The following NIPAL2 variants were observed in gnomAD, a reference collection of about 807,000 sequenced individuals.
The protein encoded by NIPAL2 is NIPA like domain containing 2.
Under a neutral mutation model 48.9 loss-of-function variants are expected in NIPAL2, and 43 were observed. That is an observed-to-expected ratio of 0.88 (90% confidence interval 0.69 to 1.13). The LOEUF (loss-of-function observed/expected upper bound fraction) is 1.13, where lower values mean the gene tolerates loss of function less well. NIPAL2 is among the 50% of genes most tolerant of loss of function. The pLI, the probability that NIPAL2 is intolerant of heterozygous loss-of-function variation, is 0.00. For missense variants in NIPAL2, 446 were observed against 461.4 expected (o/e 0.97, Z 0.31); for synonymous variants, 167 against 174.6 (o/e 0.96, Z 0.34).
chr8:98,288,860 GT>G (rs1454349701), intron 1 of NIPAL2, among the ~76,000 whole-genome samples: 5 of 152,078 alleles, frequency 3.3e-5, no homozygotes, highest in Admixed American at 3.3e-4. Flanking sequence ...TAGAAATTGG[GT>G]CCCCACACAA....
chr8:98,268,546 G>T lies in NIPAL2; in HGVS notation c.136-14459C>A, dbSNP rs536420508. Among the ~76,000 whole-genome samples the T allele has an allele frequency of 1.1e-3, 162 of 151,378 alleles. 2 individuals carry two copies. The highest frequency in any genetic ancestry group is 1.8e-3 in the Admixed American group (27 of 15,192). The stretch of plus-strand genomic sequence containing the variant: ...TGAGGCAGGAGAATTGCTTGAACCC[G>T]AGAGGTGGAGGTTGCAGTGAGCCAA... On this transcript the variant is annotated intron_variant, in intron 1 of 10. Transcript: ENST00000430223.
chr8:98,271,783 C>T (rs1815144722), intron 1 of NIPAL2, among the ~76,000 whole-genome samples: 1 of 151,916 alleles, frequency 6.6e-6, no homozygotes, highest in African/African-American at 2.4e-5. Context: ...AAGGGGAATG[C>T]TTCCAGTTTT....
intron 1 of NIPAL2, among the ~76,000 whole-genome samples, chr8:98,282,029 C>A (rs1415908870): frequency 6.6e-6 from 1 of 152,180 alleles, no homozygotes; most frequent in African/African-American, 2.4e-5. Context: ...CCTCTTTCTG[C>A]CAGGCAAGGT....
At chr8:98,238,876 T>C (rs1448064911) in intron 3 of NIPAL2, among the ~76,000 whole-genome samples, 1 of 152,212 alleles carries the variant, frequency 6.6e-6, no homozygotes, top group Non-Finnish European at 1.5e-5. Context: ...AAATTTTCTA[T>C]TTCAGATTTG....
intron 8 of NIPAL2, among the ~76,000 whole-genome samples, chr8:98,196,515 T>C (rs762032401): frequency 1.1e-4 from 16 of 152,242 alleles, no homozygotes; most frequent in Non-Finnish European, 1.6e-4. Flanking sequence ...AAGCACACTC[T>C]AGCAGCTGAA....
intron 1 of NIPAL2, among the ~76,000 whole-genome samples, chr8:98,290,810 A>G (rs971116251): frequency 2.0e-5 from 3 of 152,210 alleles, no homozygotes; most frequent in African/African-American, 7.2e-5. Flanking sequence ...TGCAGCGGGG[A>G]GCACAGCTTG....
chr8:98,242,265 G>A (rs1447646482), intron 3 of NIPAL2, among the ~76,000 whole-genome samples: 1 of 150,000 alleles, frequency 6.7e-6, no homozygotes, highest in Non-Finnish European at 1.5e-5. Flanking sequence ...CTGCAGCCTC[G>A]ACCTCCTGAG....
chr8:98,235,914 T>A (rs535863854), intron 4 of NIPAL2, among the ~76,000 whole-genome samples: 2 of 151,660 alleles, frequency 1.3e-5, no homozygotes, highest in African/African-American at 4.8e-5. Flanking sequence ...TTATAATTAT[T>A]AATTAATAAT....
intron 3 of NIPAL2, among the ~76,000 whole-genome samples, chr8:98,239,887 G>A (rs2514328): frequency 0.89 from 134,731 of 152,224 alleles, 59,918 homozygotes; most frequent in Non-Finnish European, 0.9. Flanking sequence ...AGAGTAGTAA[G>A]TTTTTCAAAT....
In NIPAL2 at chr8:98,194,728, C is replaced by A; in HGVS notation, c.1039G>T (p.Gly347Trp). ...QSYIDFGNIPGKQMLDKIQPD... is the reference protein window; with the variant it reads ...QSYIDFGNIPWKQMLDKIQPD... The stretch of plus-strand genomic sequence containing the variant: ...CACTATAAAGAATATATGATTTTAC[C>A]AGGAATATTTCCAAAATCAATATAA... Residue 347 changes from glycine (G) to tryptophan (W), a missense_variant and splice_region_variant, in exon 10 of 11, where the codon GGG becomes TGG. Coordinates refer to ENST00000430223, the MANE Select transcript of NIPAL2 (RefSeq NM_001321635.2). 5 of 1,521,254 alleles carry A rather than the reference C, an allele frequency of 3.3e-6. No individual in the cohort carries two copies. The highest frequency in any genetic ancestry group is 3.5e-6 in the Non-Finnish European group (4 of 1,129,382). The allele number at this position is 1,521,254 out of a possible 1,614,324, so 94.2% of individuals were successfully genotyped here.
At chr8:98,229,439 C>G (rs1252596100) in intron 4 of NIPAL2, among the ~76,000 whole-genome samples, 2 of 152,212 alleles carry the variant, frequency 1.3e-5, no homozygotes, top group African/African-American at 4.8e-5. Context: ...GTGATGCAAT[C>G]ATAGCTCACT....
intron 8 of NIPAL2, among the ~76,000 whole-genome samples, chr8:98,201,191 T>A (rs1810782002): frequency 6.6e-6 from 1 of 152,128 alleles, no homozygotes; most frequent in East Asian, 1.9e-4. Context: ...AATTGTAAGC[T>A]ATGCTTTCTC....
intron 10 of NIPAL2, chr8:98,193,501 G>A: frequency 7.8e-7 from 1 of 1,286,396 alleles, no homozygotes. Context: ...TATGCACTGA[G>A]CTTTGTGAAA....
chr8:98,259,069 CCTTTTTTTT>C (rs1428552123), intron 1 of NIPAL2, among the ~76,000 whole-genome samples: 4 of 89,396 alleles, frequency 4.5e-5, no homozygotes, highest in African/African-American at 9.2e-5. Flanking sequence ...TTTAAATATT[CCTTTTTTTT>C]TTTTTTTTTT....
At chr8:98,258,790 G>C (rs1049109067) in intron 1 of NIPAL2, among the ~76,000 whole-genome samples, 1 of 137,162 alleles carries the variant, frequency 7.3e-6, no homozygotes, top group African/African-American at 2.7e-5. Context: ...TTTTTTTTTT[G>C]TCTATAAATT....
chr8:98,266,651 C>T lies in NIPAL2; in HGVS notation c.136-12564G>A, dbSNP rs373482990. On this transcript the variant is annotated intron_variant, in intron 1 of 10. Transcript: ENST00000430223. ...AGTAAGAGAATAAATGGACCTCAAG[C>T]GGATGGGCTGATCAAAGAGGGCCAG... 2.5e-4 allele frequency among the ~76,000 whole-genome samples: 38 copies of T among 151,502 alleles called. No individual in the cohort carries two copies. The East Asian group carries it at 5.8e-3, about 23-fold the overall frequency.
At chr8:98,267,933 A>G (rs1814874601) in intron 1 of NIPAL2, among the ~76,000 whole-genome samples, 1 of 152,214 alleles carries the variant, frequency 6.6e-6, no homozygotes, top group Non-Finnish European at 1.5e-5. Context: ...AATAGTTGTC[A>G]AAATCATGTG....
chr8:98,246,784 C>T (rs1314007869), intron 3 of NIPAL2, among the ~76,000 whole-genome samples: 5 of 152,102 alleles, frequency 3.3e-5, no homozygotes, highest in African/African-American at 1.2e-4. Flanking sequence ...AAAATGTCAC[C>T]GGTGCTTCCA....
At chr8:98,222,396 A>C in intron 5 of NIPAL2, 83 bp downstream of exon 5, 1 of 1,382,052 alleles carries the variant, frequency 7.2e-7, no homozygotes, top group Non-Finnish European at 9.8e-7. Context: ...TGGTAAGGAA[A>C]AGATTATGTT....
Sources: allele counts gnomAD v4.1 joint callset (sites outside exome capture counted in the v4.1 genomes callset), GRCh38; gene constraint gnomAD v4.1.1; transcripts MANE v1.5; gene names NCBI Gene and HGNC (gene_info 2026-07-23, HGNC 2026-07-21).